LNP1: variants seen among roughly 807,000 people sequenced by gnomAD.
LNP1 encodes leukemia NUP98 fusion partner 1.
A neutral mutation model predicts 14.5 loss-of-function variants in LNP1; 12 were observed. The ratio of observed to expected loss-of-function variants is 0.83; its 90% CI spans 0.53 to 1.34. The LOEUF (loss-of-function observed/expected upper bound fraction) is 1.34. Ranked by LOEUF, LNP1 falls within the 40% of genes most tolerant of loss-of-function variation. The pLI, the probability that LNP1 is intolerant of heterozygous loss-of-function variation, is 0.00. For synonymous variants in LNP1, 75 were observed against 71.4 expected (o/e 1.05, Z -0.26); for missense variants, 198 against 210.9 (o/e 0.94, Z 0.38).
At position 100,455,836 on chromosome 3, in the gene LNP1, C is replaced by T. The variant is rs1218341384; in HGVS notation, c.447C>T (p.Ser149=). The T allele has an allele frequency of 1.9e-6, 3 of 1,613,776 alleles. No homozygotes were observed. The highest frequency in any genetic ancestry group is 1.7e-6 in the Non-Finnish European group (2 of 1,179,930). The change falls in exon 4 of 4, where the codon TCC becomes TCT. Residue 149 remains serine, a synonymous_variant. Coordinates refer to ENST00000383693, the MANE Select transcript of LNP1 (RefSeq NM_001085451.2). ...ERECLRMEIK[S]RKKVEEERSS... Reference sequence around the variant, plus strand: ...AATGCCTGAGGATGGAGATAAAATCCCGAAAGAAAGTAGAGGAAGAAAGGA... The same window carrying T: ...AATGCCTGAGGATGGAGATAAAATCTCGAAAGAAAGTAGAGGAAGAAAGGA...
At chr3:100,430,183 A>T (rs1707229409) in intron 2 of LNP1, among the ~76,000 whole-genome samples, 1 of 152,236 alleles carries the variant, frequency 6.6e-6, no homozygotes, top group African/African-American at 2.4e-5. Context: ...AATTTAAGCC[A>T]AAGGAAAGAA....
At chr3:100,431,270 G>A (rs968380502) in intron 2 of LNP1, among the ~76,000 whole-genome samples, 2 of 152,202 alleles carry the variant, frequency 1.3e-5, no homozygotes, top group African/African-American at 4.8e-5. Flanking sequence ...TTTTAAAACA[G>A]AGATAGTTAC....
At chr3:100,433,850 C>T (rs945299846) in intron 2 of LNP1, among the ~76,000 whole-genome samples, 2 of 151,936 alleles carry the variant, frequency 1.3e-5, no homozygotes, top group Admixed American at 6.6e-5. Context: ...TTTTTTTGGC[C>T]GCATAAATGT....
At chr3:100,445,509 C>A (rs1034273590) in intron 2 of LNP1, among the ~76,000 whole-genome samples, 1 of 151,830 alleles carries the variant, frequency 6.6e-6, no homozygotes. Flanking sequence ...CTTTTTAGAC[C>A]CAGGAGTCAA....
In LNP1 at chr3:100,456,132, T is replaced by A; in HGVS notation, c.*206T>A. 2.0e-6 allele frequency: 1 copy of A among 499,196 alleles called. No individual in the cohort carries two copies. Among genetic ancestry groups the A allele is most frequent in the Non-Finnish European group, 3.6e-6 (1 of 280,208 alleles). The allele number at this position is 499,196 out of a possible 1,614,324, so 30.9% of individuals were successfully genotyped here. ...CATCATACCCCAATTACTGCTGGCA[T>A]CTTAGTTGAGAGTATAATCTGCTTG... On this transcript the variant is annotated 3_prime_UTR_variant, in exon 4 of 4. Coordinates refer to ENST00000383693, the MANE Select transcript of LNP1 (RefSeq NM_001085451.2).
intron 1 of LNP1, among the ~76,000 whole-genome samples, chr3:100,422,951 G>A (rs1181424597): frequency 2.0e-5 from 3 of 151,830 alleles, no homozygotes; most frequent in Non-Finnish European, 2.9e-5. Context: ...GTTAAAAAAG[G>A]TGTGTCTTTG....
At chr3:100,435,996 A>G (rs1312876660) in intron 2 of LNP1, among the ~76,000 whole-genome samples, 11 of 152,210 alleles carry the variant, frequency 7.2e-5, no homozygotes, top group Non-Finnish European at 7.3e-5. Context: ...CTCTTGTCCA[A>G]TCAAAACTGT....
chr3:100,427,666 T>C (rs1259859165), intron 1 of LNP1, among the ~76,000 whole-genome samples: 2 of 152,186 alleles, frequency 1.3e-5, no homozygotes, highest in East Asian at 3.9e-4. Context: ...CAGCATATAG[T>C]TGTACTCATG....
chr3:100,446,734 G>A (rs1157420104), intron 2 of LNP1, among the ~76,000 whole-genome samples: 1 of 152,032 alleles, frequency 6.6e-6, no homozygotes, highest in East Asian at 1.9e-4. Context: ...AATCTACAAG[G>A]AACTTAAACA....
At chr3:100,416,582 C>T (rs1318574195) in intron 1 of LNP1, among the ~76,000 whole-genome samples, 1 of 131,538 alleles carries the variant, frequency 7.6e-6, no homozygotes, top group African/African-American at 3.0e-5. Flanking sequence ...ATAAATAATA[C>T]CTTGAGTATA....
intron 2 of LNP1, among the ~76,000 whole-genome samples, chr3:100,442,819 T>C (rs1172215960): frequency 2.6e-5 from 4 of 152,176 alleles, no homozygotes; most frequent in South Asian, 4.1e-4. Context: ...AGAAAATGAG[T>C]CTCTGGTCTC....
Position 100,444,176 on chromosome 3 carries a change from T to A in LNP1, c.157-7543T>A, listed in dbSNP as rs140861066. On this transcript the variant is annotated intron_variant, in intron 2 of 3. Coordinates refer to ENST00000383693, the MANE Select transcript of LNP1 (RefSeq NM_001085451.2). ...CAGAAACCTCATTCAAGAGCACCTGTTAAGAGTTTTATAGCTGATTATAAA... is the reference window on the plus strand; with the variant it reads ...CAGAAACCTCATTCAAGAGCACCTGATAAGAGTTTTATAGCTGATTATAAA... Among the ~76,000 whole-genome samples, 647 of 152,274 alleles carry A rather than the reference T, an allele frequency of 4.2e-3. 3 individuals are homozygous for A. The highest frequency in any genetic ancestry group is 0.015 in the African/African-American group (615 of 41,552).
intron 2 of LNP1, among the ~76,000 whole-genome samples, chr3:100,435,484 C>T (rs966454562): frequency 6.6e-6 from 1 of 152,084 alleles, no homozygotes; most frequent in Admixed American, 6.6e-5. Flanking sequence ...GTGCCTGGTA[C>T]CTATTAACTT....
At chr3:100,425,180 A>G (rs114111999) in intron 1 of LNP1, among the ~76,000 whole-genome samples, 2,144 of 152,278 alleles carry the variant, frequency 0.014, 23 homozygotes, top group Middle Eastern at 0.037. Context: ...AGTTACCCCA[A>G]TGAAAACATG....
At chr3:100,455,704 G>C (rs1707503597) in intron 3 of LNP1, 73 bp from the exon 4 acceptor site, 1 of 1,435,466 alleles carries the variant, frequency 7.0e-7, no homozygotes, top group East Asian at 2.3e-5. Flanking sequence ...CTCCATGTCT[G>C]ATTATTAAGA....
At chr3:100,430,134 A>T (rs2148903478) in intron 2 of LNP1, among the ~76,000 whole-genome samples, 1 of 152,232 alleles carries the variant, frequency 6.6e-6, no homozygotes, top group East Asian at 1.9e-4. Flanking sequence ...TACTCTTCAG[A>T]GCTCCTGATA....
intron 2 of LNP1, among the ~76,000 whole-genome samples, chr3:100,447,872 T>C (rs1707403442): frequency 6.6e-6 from 1 of 152,222 alleles, no homozygotes; most frequent in African/African-American, 2.4e-5. Flanking sequence ...ATATATGAGC[T>C]TTAAATAAGC....
At chr3:100,420,866 C>G (rs1015670524) in intron 1 of LNP1, among the ~76,000 whole-genome samples, 2 of 151,804 alleles carry the variant, frequency 1.3e-5, no homozygotes, top group African/African-American at 4.8e-5. Context: ...AGAACTCTTG[C>G]CTAGCTCTTG....
chr3:100,429,835 C>G lies in LNP1; in HGVS notation c.106C>G (p.Arg36Gly), dbSNP rs199983086. Residue 36 changes from arginine to glycine, a missense_variant, in exon 2 of 4, where the codon CGC becomes GGC. Transcript: ENST00000383693. ...GGAGGATCAGAGAGGACTCCGGGAA[C>G]GCCACCGACTGCAAGCCACCAGTCA... ...REEDQRGLRE[R>G]HRLQATSHRK... 2 of 1,613,880 alleles carry G rather than the reference C, an allele frequency of 1.2e-6. No homozygotes were observed.
Sources: allele counts gnomAD v4.1 joint callset (sites outside exome capture counted in the v4.1 genomes callset), GRCh38; gene constraint gnomAD v4.1.1; transcripts MANE v1.5; gene names NCBI Gene and HGNC (gene_info 2026-07-23, HGNC 2026-07-21).